Variants in TLE5 observed in about 807,000 individuals in gnomAD.
TLE5 encodes TLE family member 5, transcriptional modulator.
Under a neutral mutation model 25.8 loss-of-function variants are expected in TLE5, and 7 were observed. That is an observed-to-expected ratio of 0.27 (90% CI 0.15 to 0.51). The LOEUF is 0.51. Among genes scored for constraint, TLE5 ranks in the 20% least tolerant of loss-of-function variants. TLE5 has a pLI of 0.97. For synonymous variants in TLE5, 132 were observed against 110.5 expected, an observed-to-expected ratio of 1.20 and a Z score of -1.22; for missense variants, 149 against 250.7, an observed-to-expected ratio of 0.59 and a Z score of 2.74.
intron 4 of TLE5, 147 bp from the exon 5 acceptor site, chr19:3,055,873 C>T (rs1166063659): frequency 2.4e-6 from 2 of 829,924 alleles, no homozygotes; most frequent in South Asian, 4.2e-5. Flanking sequence ...ATGAGCAAAG[C>T]CGTGTTCGGG....
upstream of TLE5, chr19:3,062,833 G>C: frequency 6.5e-7 from 1 of 1,546,570 alleles, no homozygotes; most frequent in East Asian, 2.4e-5. Flanking sequence ...CTTGGCTCTG[G>C]CTGGGCGGTG....
Position 3,053,932 on chromosome 19 carries a change from T to A in TLE5, c.481A>T (p.Thr161Ser), listed in dbSNP as rs1389595175. 6.2e-7 allele frequency: 1 copy of A among 1,612,576 alleles called. No individual in the cohort carries two copies. The highest frequency in any genetic ancestry group is 2.2e-5 in the East Asian group (1 of 44,846). The change falls in exon 7 of 7, where the codon ACC becomes TCC. Residue 161 changes from threonine to serine, a missense_variant. Transcript: ENST00000327141. ...AGCGCGGACAGCGAGAGGAGGCCGGTGCCTGCGCTGACCGCCGGCAGCGAA... is the reference window on the plus strand; with the variant it reads ...AGCGCGGACAGCGAGAGGAGGCCGGAGCCTGCGCTGACCGCCGGCAGCGAA... ...PPSLPAVSAG[T>S]GLLSLSALGS...
chr19:3,054,757 G>A, intron 5 of TLE5: 1 of 156,670 alleles, frequency 6.4e-6, no homozygotes, highest in East Asian at 1.9e-4. Flanking sequence ...TCTGTGGCCA[G>A]CAGATGCTAG....
intron 5 of TLE5, 37 bp downstream of exon 5, chr19:3,055,627 C>T: frequency 6.4e-7 from 1 of 1,555,954 alleles, no homozygotes; most frequent in Non-Finnish European, 8.7e-7. Context: ...AAGTGCGGGG[C>T]CCCCTCACAA....
rs1381214621 is a variant in TLE5, at chr19:3,061,242, G to A, written c.43C>T (p.Pro15Ser). ...QSRHSGSSHL[P>S]QQLKFTTSDS... Reference sequence around the variant, plus strand: ...GAGGTGGTGAATTTGAGTTGCTGGGGTAGGTGCGAGGAGCCCTGTAGGGAT... The same window carrying A: ...GAGGTGGTGAATTTGAGTTGCTGGGATAGGTGCGAGGAGCCCTGTAGGGAT... Residue 15 changes from proline (P) to serine (S), a missense_variant, in exon 2 of 7, where the codon CCC becomes TCC. Coordinates refer to ENST00000327141, the MANE Select transcript of TLE5 (RefSeq NM_001130.6). The A allele has an allele frequency of 1.2e-6, 2 of 1,613,460 alleles. No homozygotes were observed. The highest frequency in any genetic ancestry group is 1.3e-5 in the African/African-American group (1 of 74,916).
chr19:3,059,437 G>A (rs889743682), intron 2 of TLE5, among the ~76,000 whole-genome samples: 8 of 152,124 alleles, frequency 5.3e-5, no homozygotes, highest in East Asian at 1.9e-4. Flanking sequence ...CAGAAGAATC[G>A]CTTGAATCCC....
In TLE5 at chr19:3,062,452, C is replaced by T. The variant is rs1043780002; in HGVS notation, c.-252G>A. The T allele has an allele frequency of 1.5e-6, 1 of 660,988 alleles. No individual in the cohort carries two copies. The highest frequency in any genetic ancestry group is 1.9e-6 in the Non-Finnish European group (1 of 537,264). The allele number at this position is 660,988 out of a possible 1,614,324, so 40.9% of individuals were successfully genotyped here. A position where few individuals can be genotyped will look rare whatever the true frequency, so the allele number is the denominator to read the frequency against. On this transcript the variant is annotated 5_prime_UTR_variant, in exon 1 of 7. Coordinates refer to ENST00000327141, the MANE Select transcript of TLE5 (RefSeq NM_001130.6). Reference sequence around the variant, plus strand: ...CCTCCCCGCCGCCCGCCTCCCCGCTCCCCGGCCCCACCGCTATTGTCTAAT... The same window carrying T: ...CCTCCCCGCCGCCCGCCTCCCCGCTTCCCGGCCCCACCGCTATTGTCTAAT...
Position 3,059,932 on chromosome 19 carries a change from C to T in TLE5, c.125+1228G>A, listed in dbSNP as rs532973436. Among the ~76,000 whole-genome samples, 6 of 152,280 alleles carry T rather than the reference C, an allele frequency of 3.9e-5. No homozygotes were observed. In the South Asian group the frequency reaches 6.2e-4, roughly 16 times the overall value. ...CCAGCTTGAGAATGGGTACGACAGT[C>T]GGACGACAGGAAGGATGAAGCACGA... is the stretch of plus-strand genomic sequence containing the variant. On this transcript the variant is annotated intron_variant, in intron 2 of 6. Transcript: ENST00000327141.
intron 2 of TLE5, among the ~76,000 whole-genome samples, chr19:3,058,026 A>G (rs2090235051): frequency 6.6e-6 from 1 of 152,086 alleles, no homozygotes; most frequent in African/African-American, 2.4e-5. Context: ...TGCCTGGTCA[A>G]TGAAGCCGTA....
At position 3,053,791 on chromosome 19, in the gene TLE5, CT is replaced by C. The variant is rs1568262283; in HGVS notation, c.*27del. 1.9e-6 allele frequency: 3 copies of C among 1,607,540 alleles called. No homozygotes were observed. In the Admixed American group the frequency reaches 5.0e-5, roughly 27 times the overall value. ...TGCCTCTGTCTCCCCTCTGTCCCCC[CT>C]CCCAACCTCCCTGTCCCGGCCCCCT... On this transcript the variant is annotated 3_prime_UTR_variant, in exon 7 of 7. Coordinates refer to ENST00000327141, the MANE Select transcript of TLE5 (RefSeq NM_001130.6).
At chr19:3,056,213 CCGGCCGCT>C in intron 4 of TLE5, 91 bp downstream of exon 4, 1 of 841,624 alleles carries the variant, frequency 1.2e-6, no homozygotes, top group Non-Finnish European at 1.8e-6. Flanking sequence ...CAGCCGAGGG[CCGGCCGCT>C]ACCTGCCTGG....
intron 3 of TLE5, 123 bp downstream of exon 3, chr19:3,057,556 C>CCGATCCT: frequency 2.1e-6 from 2 of 931,134 alleles, no homozygotes; most frequent in South Asian, 1.4e-5. Flanking sequence ...AGAACAGGCC[C>CCGATCCT]CGATCCTCGC....
chr19:3,059,793 C>CG (rs1794654341), intron 2 of TLE5, among the ~76,000 whole-genome samples: 2 of 152,138 alleles, frequency 1.3e-5, no homozygotes, highest in South Asian at 4.1e-4. Context: ...AGGTCAGCCC[C>CG]GGGGCTCACC....
At position 3,061,279 on chromosome 19, in the gene TLE5, G is replaced by C. The variant is rs201009613; in HGVS notation, c.28-22C>G. 7 of 1,594,142 alleles carry C rather than the reference G, an allele frequency of 4.4e-6. No homozygotes were observed. In the East Asian group the frequency reaches 1.6e-4, roughly 36 times the overall value. ...AGCCCTGTAGGGATGGGGCGGCCCG[G>C]GTCAGGCCCAGGCGTGGGCTGGACC... is the stretch of plus-strand genomic sequence containing the variant. On this transcript the variant is annotated intron_variant, in intron 1 of 6. Transcript: ENST00000327141.
chr19:3,057,641 C>T (rs376750954), intron 3 of TLE5, 38 bp downstream of exon 3: 9 of 1,605,080 alleles, frequency 5.6e-6, no homozygotes, highest in South Asian at 2.2e-5. Flanking sequence ...CCCTGTCGCC[C>T]GCCCCCAACA....
intron 3 of TLE5, 101 bp downstream of exon 3, chr19:3,057,578 G>C (rs2090230319): frequency 8.7e-7 from 1 of 1,154,682 alleles, no homozygotes; most frequent in South Asian, 1.2e-5. Context: ...CTTCCCAGGG[G>C]AGGTGGCCGG....
chr19:3,056,279 A>G (rs546748288), intron 4 of TLE5, 33 bp downstream of exon 4: 2 of 1,359,666 alleles, frequency 1.5e-6, no homozygotes, highest in Non-Finnish European at 2.0e-6. Flanking sequence ...GGGAAGGAGG[A>G]GGAGGAGGAG....
In TLE5 at chr19:3,054,125, T is replaced by C; in HGVS notation, c.367A>G (p.Ile123Val). The C allele has an allele frequency of 1.5e-6, 2 of 1,292,168 alleles. No homozygotes were observed. The highest frequency in any genetic ancestry group is 2.1e-6 in the Non-Finnish European group (2 of 943,712). The allele number at this position is 1,292,168 out of a possible 1,614,324, so 80.0% of individuals were successfully genotyped here. A position where few individuals can be genotyped will look rare whatever the true frequency, so the allele number is the denominator to read the frequency against. Residue 123 changes from isoleucine to valine, a missense_variant, in exon 6 of 7, where the codon ATC (isoleucine) becomes GTC (valine). Coordinates refer to ENST00000327141, the MANE Select transcript of TLE5 (RefSeq NM_001130.6). ...QVTAPELNSI[I>V]RQQLQAHQLS... is the part of the protein sequence containing the mutation. ...GCCCAGGTCCCCATACATACTCGGA[T>C]GATAGAGTTCAGCTCGGGAGCGGTG...
Position 3,061,044 on chromosome 19 carries a change from C to T in TLE5, c.125+116G>A, listed in dbSNP as rs1249318984. The T allele has an allele frequency of 9.5e-6, 7 of 739,332 alleles. No individual in the cohort carries two copies. The East Asian group carries it at 1.5e-4, about 16-fold the overall frequency. 45.8% of individuals were successfully genotyped at this position (739,332 alleles called of 1,614,324 possible). A position where few individuals can be genotyped will look rare whatever the true frequency, so the allele number is the denominator to read the frequency against. On this transcript the variant is annotated intron_variant, in intron 2 of 6. Coordinates refer to ENST00000327141, the MANE Select transcript of TLE5 (RefSeq NM_001130.6). ...TTCAGTATTTGTCAAGTGATTAGGT[C>T]AGAGTCTAGCATATATTATTTTCCC...
Sources: allele counts gnomAD v4.1 joint callset (sites outside exome capture counted in the v4.1 genomes callset), GRCh38; gene constraint gnomAD v4.1.1; transcripts MANE v1.5; gene names NCBI Gene and HGNC (gene_info 2026-07-23, HGNC 2026-07-21).